Variants in CADM1 observed in about 807,000 individuals in gnomAD.
CADM1 encodes the protein TSLC-1.
In CADM1, 15 loss-of-function variants were observed where a neutral mutation model predicts 53.1. The ratio of observed to expected loss-of-function variants is 0.28; its 90% CI spans 0.19 to 0.44. The LOEUF (loss-of-function observed/expected upper bound fraction) is 0.44, where lower values mean the gene tolerates loss of function less well. Ranked by LOEUF, CADM1 falls within the 20% of genes least tolerant of loss-of-function variation. The pLI is 1.00. For missense variants in CADM1, 434 were observed against 611.3 expected (o/e 0.71, Z 3.06); for synonymous variants, 281 against 243.0 (o/e 1.16, Z -1.45).
chr11:115,444,048 C>A (rs985600019), intron 1 of CADM1, among the ~76,000 whole-genome samples: 2 of 152,000 alleles, frequency 1.3e-5, no homozygotes, highest in African/African-American at 4.8e-5. Context: ...ACTAATATAA[C>A]TTCAGTTGGA....
intron 10 of CADM1, among the ~76,000 whole-genome samples, chr11:115,182,310 A>G (rs1293615573): frequency 6.6e-6 from 1 of 152,218 alleles, no homozygotes; most frequent in Non-Finnish European, 1.5e-5. Context: ...ACTTCGGTTT[A>G]GAAAGCCATG....
intron 1 of CADM1, among the ~76,000 whole-genome samples, chr11:115,477,796 A>G (rs1949168878): frequency 6.6e-6 from 1 of 152,262 alleles, no homozygotes; most frequent in Admixed American, 6.5e-5. Context: ...GCTGGGGTCC[A>G]GGCAGAGCCT....
chr11:115,445,459 C>T (rs1948427050), intron 1 of CADM1, among the ~76,000 whole-genome samples: 1 of 151,764 alleles, frequency 6.6e-6, no homozygotes, highest in African/African-American at 2.4e-5. Flanking sequence ...ATAGTAAATC[C>T]ATAATAATGT....
At chr11:115,463,949 A>G (rs1948845623) in intron 1 of CADM1, among the ~76,000 whole-genome samples, 2 of 152,002 alleles carry the variant, frequency 1.3e-5, no homozygotes, top group African/African-American at 4.8e-5. Context: ...TTTTCTCCCA[A>G]TTTTGGCCCA....
intron 1 of CADM1, among the ~76,000 whole-genome samples, chr11:115,394,274 A>T (rs7926276): frequency 0.33 from 49,821 of 152,062 alleles, 9,303 homozygotes; most frequent in Non-Finnish European, 0.43. Flanking sequence ...GTAAAAGAGA[A>T]TGTGAAGGAA....
intron 1 of CADM1, among the ~76,000 whole-genome samples, chr11:115,502,101 T>C (rs1949738999): frequency 6.6e-6 from 1 of 152,088 alleles, no homozygotes; most frequent in African/African-American, 2.4e-5. Context: ...CACGGTTGAG[T>C]TCCAGACCGC....
At chr11:115,282,051 A>G (rs1019935232) in intron 1 of CADM1, among the ~76,000 whole-genome samples, 5 of 152,238 alleles carry the variant, frequency 3.3e-5, no homozygotes, top group Admixed American at 6.5e-5. Context: ...TCTAGATTTA[A>G]TAAGATCCTT....
chr11:115,274,783 T>C (rs1266900597), intron 1 of CADM1, among the ~76,000 whole-genome samples: 1 of 152,036 alleles, frequency 6.6e-6, no homozygotes, highest in Non-Finnish European at 1.5e-5. Flanking sequence ...ATTTCTTGGG[T>C]GGGGTGGCAG....
chr11:115,211,192 AGGG>A (rs1449702847), intron 7 of CADM1, among the ~76,000 whole-genome samples: 8 of 64,154 alleles, frequency 1.2e-4, no homozygotes, highest in Non-Finnish European at 4.8e-4. Context: ...GGCCACAGGT[AGGG>A]AAGCATTTTG....
At chr11:115,474,178 C>A (rs532552286) in intron 1 of CADM1, among the ~76,000 whole-genome samples, 11 of 150,202 alleles carry the variant, frequency 7.3e-5, no homozygotes, top group Non-Finnish European at 1.5e-4. Context: ...GTAGTCCCAG[C>A]TACTCTGGAG....
At chr11:115,274,770 G>A (rs1000343177) in intron 1 of CADM1, among the ~76,000 whole-genome samples, 2 of 152,110 alleles carry the variant, frequency 1.3e-5, no homozygotes, top group Admixed American at 6.5e-5. Context: ...TATAAATACC[G>A]GTATTTCTTG....
chr11:115,447,779 C>T (rs576285743), intron 1 of CADM1, among the ~76,000 whole-genome samples: 1 of 152,308 alleles, frequency 6.6e-6, no homozygotes, highest in Admixed American at 6.5e-5. Flanking sequence ...GAATGGTTTT[C>T]CCCAGCATAT....
At chr11:115,378,678 T>C (rs1444197635) in intron 1 of CADM1, among the ~76,000 whole-genome samples, 1 of 152,156 alleles carries the variant, frequency 6.6e-6, no homozygotes, top group Non-Finnish European at 1.5e-5. Flanking sequence ...CTTAAGAATA[T>C]ATCACAACAC....
chr11:115,173,889 T>C lies in CADM1; in HGVS notation c.*2585A>G. The C allele has an allele frequency of 2.1e-6, 2 of 971,436 alleles. No homozygotes were observed. The highest frequency in any genetic ancestry group is 2.4e-6 in the Non-Finnish European group (2 of 817,244). The allele number at this position is 971,436 out of a possible 1,614,324, so 60.2% of individuals were successfully genotyped here. The stretch of plus-strand genomic sequence containing the variant: ...TTATACATCCTTCATTATTTTATAT[T>C]CCTTTAAAAAACACAAAAAACAAGT... On this transcript the variant is annotated 3_prime_UTR_variant, in exon 12 of 12. Coordinates refer to ENST00000331581, the MANE Select transcript of CADM1 (RefSeq NM_001301043.2).
rs913887913 is a variant in CADM1 at position 115,337,445 on chromosome 11, CACAG to C, written c.125-97029_125-97026del. 3.9e-5 allele frequency among the ~76,000 whole-genome samples: 6 copies of C among 152,028 alleles called. No individual in the cohort carries two copies. The South Asian group carries it at 1.0e-3, about 26-fold the overall frequency. On this transcript the variant is annotated intron_variant, in intron 1 of 11. Transcript: ENST00000331581. ...TTGCTCATGGTTTCTCTTAATGCAC[CACAG>C]ACATTCTTCCTCCACCATTCGACCT...
intron 3 of CADM1, among the ~76,000 whole-genome samples, chr11:115,232,013 T>TAATAATAACAACAAC (rs576888198): frequency 2.7e-5 from 4 of 146,890 alleles, no homozygotes; most frequent in African/African-American, 9.9e-5. Flanking sequence ...ATAATAATAA[T>TAATAATAACAACAAC]AACAACAACA....
At chr11:115,355,885 A>G (rs1945857408) in intron 1 of CADM1, among the ~76,000 whole-genome samples, 2 of 152,118 alleles carry the variant, frequency 1.3e-5, no homozygotes, top group Non-Finnish European at 2.9e-5. Flanking sequence ...AGGCTGGAGT[A>G]CAAGTGGCGT....
intron 8 of CADM1, among the ~76,000 whole-genome samples, 163 bp from the exon 9 acceptor site, chr11:115,198,601 T>G (rs1053143389): frequency 6.6e-6 from 1 of 152,232 alleles, no homozygotes; most frequent in African/African-American, 2.4e-5. Flanking sequence ...GCATTTGAAG[T>G]GAGTTGCACT....
At chr11:115,215,599 C>T (rs1941147555) in intron 6 of CADM1, among the ~76,000 whole-genome samples, 1 of 152,166 alleles carries the variant, frequency 6.6e-6, no homozygotes, top group Admixed American at 6.6e-5. Flanking sequence ...TCATCAGAGA[C>T]AAGTTTGTTT....
Sources: allele counts gnomAD v4.1 joint callset (sites outside exome capture counted in the v4.1 genomes callset), GRCh38; gene constraint gnomAD v4.1.1; transcripts MANE v1.5; gene names NCBI Gene and HGNC (gene_info 2026-07-23, HGNC 2026-07-21).